Variants in UTP15 observed in about 807,000 individuals in gnomAD.
The protein encoded by UTP15 is UTP15 small subunit processome component.
A neutral mutation model predicts 59.1 loss-of-function variants in UTP15; 5 were observed. The observed-to-expected ratio is 0.08, with a 90% CI of 0.04 to 0.18. UTP15 has a LOEUF of 0.18. UTP15 is among the 10% of genes least tolerant of loss of function. The pLI, the probability that UTP15 is intolerant of heterozygous loss-of-function variation, is 1.00. For synonymous variants in UTP15, 211 were observed against 212.2 expected (o/e 0.99, Z 0.05); for missense variants, 494 against 616.7 (o/e 0.80, Z 2.11).
intron 2 of UTP15, 45 bp from the exon 3 acceptor site, chr5:73,568,190 C>A (rs1156795225): frequency 1.4e-6 from 2 of 1,414,728 alleles, no homozygotes; most frequent in African/African-American, 1.4e-5. Context: ...ATAAATAGGT[C>A]TTACCAGTGG....
chr5:73,568,089 T>G, intron 2 of UTP15, 146 bp from the exon 3 acceptor site: 1 of 600,308 alleles, frequency 1.7e-6, no homozygotes, highest in Non-Finnish European at 2.7e-6. Context: ...ATATGTACCT[T>G]TTTTGCTTTC....
chr5:73,578,845 T>A lies in UTP15; in HGVS notation c.1139T>A (p.Val380Asp). 6.2e-7 allele frequency: 1 copy of A among 1,605,636 alleles called. No homozygotes were observed. Among genetic ancestry groups the A allele is most frequent in the South Asian group, 1.1e-5 (1 of 90,788 alleles). ...CGGATCTCTAAGGCACTCGATAGAG[T>A]TCTTGATGTGAGTGAGCATTTTTTA... ...HFRISKALDRVLDPTCTIKTP... is the reference protein window; with the variant it reads ...HFRISKALDRDLDPTCTIKTP... The change falls in exon 10 of 13, where the codon GTT becomes GAT. Residue 380 changes from valine to aspartate, a missense_variant. Val to Asp is a radical substitution (Grantham distance 152, BLOSUM62 -3). Coordinates refer to ENST00000296792, the MANE Select transcript of UTP15 (RefSeq NM_032175.4).
At chr5:73,578,188 A>G (rs1748158839) in intron 9 of UTP15, 183 bp downstream of exon 9, 2 of 567,170 alleles carry the variant, frequency 3.5e-6, no homozygotes, top group South Asian at 4.5e-5. Context: ...AACAAGGACT[A>G]CTTTATGTAA....
chr5:73,568,127 A>T, intron 2 of UTP15, 108 bp from the exon 3 acceptor site: 1 of 803,670 alleles, frequency 1.2e-6, no homozygotes, highest in African/African-American at 1.8e-5. Flanking sequence ...AATACAACTT[A>T]AGAAATGTTA....
rs898470455 is a variant in UTP15 at position 73,567,477 on chromosome 5, G to A, written c.90+43G>A. The A allele has an allele frequency of 3.5e-6, 5 of 1,436,726 alleles. No individual in the cohort carries two copies. In the East Asian group the frequency reaches 9.6e-5, roughly 28 times the overall value. The allele number at this position is 1,436,726 out of a possible 1,614,324, so 89.0% of individuals were successfully genotyped here. On this transcript the variant is annotated intron_variant, in intron 2 of 12. Coordinates refer to ENST00000296792, the MANE Select transcript of UTP15 (RefSeq NM_032175.4). ...TGAGGGAGAAGGGATTTGTGTTTAT[G>A]CCAATTTCTCTAGCATATGTTATAC...
chr5:73,569,548 G>C lies in UTP15; in HGVS notation c.420G>C (p.Gly140=). 1 of 1,612,962 alleles carries C rather than the reference G, an allele frequency of 6.2e-7. No individual in the cohort carries two copies. The highest frequency in any genetic ancestry group is 2.2e-5 in the East Asian group (1 of 44,734). The stretch of plus-strand genomic sequence containing the variant: ...CTGACAAATATCACGTGGTCTCTGG[G>C]GCTGATGATTATACAGTTAAATTAT... ...FTADKYHVVS[G]ADDYTVKLWD... is the part of the protein sequence containing the mutation. The change falls in exon 5 of 13, where the codon GGG becomes GGC. Residue 140 remains glycine (G), a synonymous_variant. Coordinates refer to ENST00000296792, the MANE Select transcript of UTP15 (RefSeq NM_032175.4).
At position 73,577,852 on chromosome 5, in the gene UTP15, T is replaced by A. The variant is rs771044723; in HGVS notation, c.895-4T>A. The A allele has an allele frequency of 1.9e-6, 3 of 1,575,622 alleles. No homozygotes were observed. Among genetic ancestry groups the A allele is most frequent in the Non-Finnish European group, 2.6e-6 (3 of 1,168,056 alleles). On this transcript the variant is annotated splice_region_variant and splice_polypyrimidine_tract_variant and intron_variant, in intron 8 of 12. Transcript: ENST00000296792. The stretch of plus-strand genomic sequence containing the variant: ...GACTAACTTATTTTTCTAATTGTTA[T>A]TAGCATGAAGATGAGACAATAGTTG...
At chr5:73,575,868 T>C (rs182142146) in intron 7 of UTP15, among the ~76,000 whole-genome samples, 20 of 151,948 alleles carry the variant, frequency 1.3e-4, no homozygotes, top group African/African-American at 4.8e-4. Context: ...ATTACAGGCA[T>C]GTGCCACCAT....
At chr5:73,579,854 G>A (rs747346366) in intron 12 of UTP15, 23 bp from the exon 13 acceptor site, 20 of 1,506,512 alleles carry the variant, frequency 1.3e-5, no homozygotes, top group Non-Finnish European at 1.8e-5. Context: ...GCTAGTTAAT[G>A]TGTTTTCTTT....
chr5:73,572,552 A>G lies in UTP15; in HGVS notation c.737A>G (p.Asn246Ser). Residue 246 changes from asparagine to serine, a missense_variant, in exon 7 of 13, where the codon AAT (asparagine) becomes AGT (serine). Coordinates refer to ENST00000296792, the MANE Select transcript of UTP15 (RefSeq NM_032175.4). The stretch of plus-strand genomic sequence containing the variant: ...GGACAATTGCTAGTATCTTTGAAAA[A>G]TCATCACAAAACCGTGACATGTTTA... Reference protein sequence around the residue: ...KGGQLLVSLKNHHKTVTCLCL... With the variant: ...KGGQLLVSLKSHHKTVTCLCL... 2 of 1,614,192 alleles carry G rather than the reference A, an allele frequency of 1.2e-6. No individual in the cohort carries two copies. The highest frequency in any genetic ancestry group is 2.2e-5 in the South Asian group (2 of 91,082).
chr5:73,581,146 C>G lies in UTP15; in HGVS notation c.*1052C>G, dbSNP rs1305254943. The G allele has an allele frequency of 6.6e-6, 1 of 151,858 alleles. No individual in the cohort carries two copies. Among genetic ancestry groups the G allele is most frequent in the Non-Finnish European group, 1.5e-5 (1 of 68,002 alleles). The allele number at this position is 151,858 out of a possible 1,614,324, so 9.4% of individuals were successfully genotyped here. A position where few individuals can be genotyped will look rare whatever the true frequency, so the allele number is the denominator to read the frequency against. On this transcript the variant is annotated 3_prime_UTR_variant, in exon 13 of 13. Coordinates refer to ENST00000296792, the MANE Select transcript of UTP15 (RefSeq NM_032175.4). ...TCAGTCCACTGCAACCTCTGCCCTCCCGGGTTTAAGCAGTTCTCCTGCCTC... is the reference window on the plus strand; with the variant it reads ...TCAGTCCACTGCAACCTCTGCCCTCGCGGGTTTAAGCAGTTCTCCTGCCTC...
At chr5:73,573,232 A>G in intron 7 of UTP15, among the ~76,000 whole-genome samples, 1 of 151,160 alleles carries the variant, frequency 6.6e-6, no homozygotes, top group Non-Finnish European at 1.5e-5. Context: ...ATTATTGTAC[A>G]TTCATATATT....
At position 73,567,376 on chromosome 5, in the gene UTP15, C is replaced by T. The variant is rs1747807178; in HGVS notation, c.32C>T (p.Thr11Ile). MAGYKPVAIQ[T>I]YPILGEKITQ... ...GGTTATAAGCCTGTAGCTATTCAGA[C>T]ATATCCTATACTTGGTGAAAAAATC... The change falls in exon 2 of 13, where the codon ACA becomes ATA. Residue 11 changes from threonine to isoleucine, a missense_variant. Transcript: ENST00000296792. 5.0e-6 allele frequency: 8 copies of T among 1,609,256 alleles called. No individual in the cohort carries two copies. Among genetic ancestry groups the T allele is most frequent in the Middle Eastern group, 1.6e-4 (1 of 6,070 alleles).
rs1748283350 is a variant in UTP15 at position 73,580,896 on chromosome 5, G to A, written c.*802G>A. On this transcript the variant is annotated 3_prime_UTR_variant, in exon 13 of 13. Transcript: ENST00000296792. Reference sequence around the variant, plus strand: ...TGTTTCAAGCTAATCTTGTAGCTAAGCTACCTAATCCTCTGAAAACTGTTT... The same window carrying A: ...TGTTTCAAGCTAATCTTGTAGCTAAACTACCTAATCCTCTGAAAACTGTTT... The A allele has an allele frequency of 6.6e-6, 1 of 152,000 alleles. No individual in the cohort carries two copies. The highest frequency in any genetic ancestry group is 1.5e-5 in the Non-Finnish European group (1 of 68,016). The allele number at this position is 152,000 out of a possible 1,614,324, so 9.4% of individuals were successfully genotyped here.
rs1434437927 is a variant in UTP15 at position 73,582,700 on chromosome 5, T to C, written c.*2606T>C. ...CACTGCGCCCAGCAGGAATGGTTATTATATTCATTGAGATAAACTGTAGTA... is the reference window on the plus strand; with the variant it reads ...CACTGCGCCCAGCAGGAATGGTTATCATATTCATTGAGATAAACTGTAGTA... On this transcript the variant is annotated 3_prime_UTR_variant, in exon 13 of 13. Coordinates refer to ENST00000296792, the MANE Select transcript of UTP15 (RefSeq NM_032175.4). The C allele has an allele frequency of 6.6e-6, 1 of 152,236 alleles. No individual in the cohort carries two copies. Among genetic ancestry groups the C allele is most frequent in the Non-Finnish European group, 1.5e-5 (1 of 68,048 alleles). 9.4% of individuals were successfully genotyped at this position (152,236 alleles called of 1,614,324 possible).
At chr5:73,570,125 A>G (rs762446994) in intron 5 of UTP15, among the ~76,000 whole-genome samples, 30 of 152,228 alleles carry the variant, frequency 2.0e-4, no homozygotes, top group Non-Finnish European at 4.0e-4. Flanking sequence ...GTGAGCCACC[A>G]TGCCTGGCTT....
At position 73,582,346 on chromosome 5, in the gene UTP15, C is replaced by A. The variant is rs981588581; in HGVS notation, c.*2252C>A. 1 of 152,122 alleles carries A rather than the reference C, an allele frequency of 6.6e-6. No homozygotes were observed. The highest frequency in any genetic ancestry group is 2.4e-5 in the African/African-American group (1 of 41,430). 9.4% of individuals were successfully genotyped at this position (152,122 alleles called of 1,614,324 possible). ...ACAGGTTAGGAAGCAATTCCCATAGCCATCAATACTTAAATTCAGGAGTAC... is the reference window on the plus strand; with the variant it reads ...ACAGGTTAGGAAGCAATTCCCATAGACATCAATACTTAAATTCAGGAGTAC... On this transcript the variant is annotated 3_prime_UTR_variant, in exon 13 of 13. Transcript: ENST00000296792.
In UTP15 at chr5:73,582,507, C is replaced by G. The variant is rs888458443; in HGVS notation, c.*2413C>G. 1.3e-5 allele frequency: 2 copies of G among 152,358 alleles called. No individual in the cohort carries two copies. Among genetic ancestry groups the G allele is most frequent in the Admixed American group, 6.5e-5 (1 of 15,294 alleles). The allele number at this position is 152,358 out of a possible 1,614,324, so 9.4% of individuals were successfully genotyped here. On this transcript the variant is annotated 3_prime_UTR_variant, in exon 13 of 13. Transcript: ENST00000296792. ...TGAAGCTATCCTCCCACCTCAGCCT[C>G]CTGAGAAGCTGGGGCTACAGGGATG...
intron 8 of UTP15, among the ~76,000 whole-genome samples, chr5:73,577,562 T>C (rs1027468894): frequency 6.6e-5 from 10 of 152,156 alleles, no homozygotes; most frequent in African/African-American, 2.4e-4. Context: ...GGGGGCAAGA[T>C]CATAAAAGTC....
Sources: gnomAD v4.1 joint callset for allele counts (sites outside exome capture counted in the v4.1 genomes callset) on GRCh38, gnomAD v4.1.1 for gene constraint, MANE v1.5 for transcripts, NCBI Gene and HGNC (gene_info 2026-07-23, HGNC 2026-07-21) for gene names.